The following D2HGDH variants were observed in gnomAD, a reference collection of about 807,000 sequenced individuals.
D2HGDH encodes the protein D-2-hydroxyglutarate dehydrogenase, also known as D-2-hydroxyglutarate dehydrogenase, mitochondrial.
A neutral mutation model predicts 46.9 loss-of-function variants in D2HGDH; 31 were observed. The observed-to-expected ratio is 0.66, with a 90% CI of 0.50 to 0.89. The LOEUF (loss-of-function observed/expected upper bound fraction) is 0.89, where lower values mean the gene tolerates loss of function less well. Ranked by LOEUF, D2HGDH falls within the 40% of genes least tolerant of loss-of-function variation. The pLI, the probability that D2HGDH is intolerant of heterozygous loss-of-function variation, is 0.00. For missense variants in D2HGDH, 698 were observed against 720.8 expected, an observed-to-expected ratio of 0.97 and a Z score of 0.36; for synonymous variants, 364 against 332.6, an observed-to-expected ratio of 1.09 and a Z score of -1.03.
chr2:241,739,362 G>A (rs1001033964), intron 2 of D2HGDH, among the ~76,000 whole-genome samples: 4 of 152,244 alleles, frequency 2.6e-5, no homozygotes, highest in Admixed American at 6.5e-5. Context: ...GAGCCCACTC[G>A]GGACAGGGAC....
intron 9 of D2HGDH, among the ~76,000 whole-genome samples, chr2:241,757,601 C>T (rs575604071): frequency 6.6e-6 from 1 of 152,286 alleles, no homozygotes; most frequent in African/African-American, 2.4e-5. Flanking sequence ...TTCAGTCTCT[C>T]TTGGCCACAG....
In D2HGDH at chr2:241,767,979, C is replaced by A; in HGVS notation, c.*10C>A. 1 of 1,581,008 alleles carries A rather than the reference C, an allele frequency of 6.3e-7. No homozygotes were observed. Among genetic ancestry groups the A allele is most frequent in the Non-Finnish European group, 8.6e-7 (1 of 1,168,446 alleles). The stretch of plus-strand genomic sequence containing the variant: ...GCCCAGCCAGGCCTGACGGCCACTC[C>A]TGCTGCTGCCAAGGCCCACTGGGGG... On this transcript the variant is annotated 3_prime_UTR_variant, in exon 10 of 10. Coordinates refer to ENST00000321264, the MANE Select transcript of D2HGDH (RefSeq NM_152783.5).
chr2:241,746,021 G>A (rs577984889), intron 6 of D2HGDH, among the ~76,000 whole-genome samples: 2 of 152,156 alleles, frequency 1.3e-5, no homozygotes, highest in East Asian at 1.9e-4. Context: ...TCAGTGTGTG[G>A]TGTGTGTGTG....
intron 2 of D2HGDH, among the ~76,000 whole-genome samples, chr2:241,736,991 C>T (rs1349032150): frequency 3.3e-5 from 5 of 151,188 alleles, no homozygotes; most frequent in South Asian, 2.1e-4. Context: ...TTTTTTGAGA[C>T]GGAGTCTCGC....
Position 241,742,963 on chromosome 2 carries a change from G to A in D2HGDH, c.490+389G>A, listed in dbSNP as rs966876039. Among the ~76,000 whole-genome samples, 3 of 109,996 alleles carry A rather than the reference G, an allele frequency of 2.7e-5. No homozygotes were observed. Among genetic ancestry groups the A allele is most frequent in the Non-Finnish European group, 5.3e-5 (3 of 56,914 alleles). 72.2% of individuals were successfully genotyped at this position (109,996 alleles called of 152,430 possible). A position where few individuals can be genotyped will look rare whatever the true frequency, so the allele number is the denominator to read the frequency against. ...GGCGCCAGGGCGTGGCAGGCGTGAG[G>A]GGATCCTGACCCAGGGCGCCAGAGC... On this transcript the variant is annotated intron_variant, in intron 4 of 9. Transcript: ENST00000321264. This position sits in a 1 kb window ranked among gnomAD's most constrained non-coding sequence, Gnocchi z 4.8.
chr2:241,762,361 C>A (rs548335866), intron 9 of D2HGDH, among the ~76,000 whole-genome samples: 1 of 152,172 alleles, frequency 6.6e-6, no homozygotes, highest in Admixed American at 6.5e-5. Flanking sequence ...TGAGCCACCG[C>A]GCCCAGCCTG....
At chr2:241,755,455 C>T (rs867802970) in intron 8 of D2HGDH, 42 of 1,314,758 alleles carry the variant, frequency 3.2e-5, no homozygotes, top group African/African-American at 1.1e-4. Flanking sequence ...CACTCTGTGC[C>T]GTGTCATGAC....
intron 6 of D2HGDH, among the ~76,000 whole-genome samples, chr2:241,746,900 A>G (rs1253209644): frequency 2.0e-5 from 3 of 152,154 alleles, no homozygotes; most frequent in African/African-American, 2.4e-5. Flanking sequence ...AAAAAAAAAA[A>G]AAAACTTTGA....
Position 241,735,214 on chromosome 2 carries a change from T to TCCCGGCGGCGATGCTGC in D2HGDH, c.-6_11dup. Reference sequence around the variant, plus strand: ...ACCAAGGAGGAGCCCGAGGTCTCCGTCCCGGCGGCGATGCTGCCCCGTCGG... The same window carrying TCCCGGCGGCGATGCTGC: ...ACCAAGGAGGAGCCCGAGGTCTCCGTCCCGGCGGCGATGCTGCCCCGGCGGCGATGCTGCCCCGTCGG... On this transcript the variant is annotated 5_prime_UTR_variant, in exon 2 of 10. In the 5' UTR this introduces an upstream ATG that the reference lacks. Transcript: ENST00000321264. The TCCCGGCGGCGATGCTGC allele has an allele frequency of 6.6e-7, 1 of 1,507,608 alleles. No individual in the cohort carries two copies. Among genetic ancestry groups the TCCCGGCGGCGATGCTGC allele is most frequent in the Non-Finnish European group, 8.8e-7 (1 of 1,136,484 alleles). The allele number at this position is 1,507,608 out of a possible 1,614,324, so 93.4% of individuals were successfully genotyped here. A position where few individuals can be genotyped will look rare whatever the true frequency, so the allele number is the denominator to read the frequency against.
Position 241,735,489 on chromosome 2 carries a change from A to T in D2HGDH, c.265A>T (p.Asn89Tyr). ...GGACCCGGAAGCGCTGCAGGCTCCC[A>T]ACGTGGACTGGTTGCGGACGCTGCG... ...VTDPEALQAPNVDWLRTLRGC... is the reference protein window; with the variant it reads ...VTDPEALQAPYVDWLRTLRGC... The change falls in exon 2 of 10, where the codon AAC becomes TAC. Residue 89 changes from asparagine to tyrosine, a missense_variant. Physicochemically the swap from Asn to Tyr is moderately radical, Grantham distance 143. Coordinates refer to ENST00000321264, the MANE Select transcript of D2HGDH (RefSeq NM_152783.5). 1.2e-6 allele frequency: 2 copies of T among 1,608,316 alleles called. No homozygotes were observed. The highest frequency in any genetic ancestry group is 1.7e-6 in the Non-Finnish European group (2 of 1,179,788).
chr2:241,761,993 C>T (rs1219568473), intron 9 of D2HGDH, among the ~76,000 whole-genome samples: 1 of 151,908 alleles, frequency 6.6e-6, no homozygotes, highest in Admixed American at 6.6e-5. Flanking sequence ...GCGGAGACAG[C>T]CTCAGTTCAG....
chr2:241,741,265 G>T (rs1266101059), intron 3 of D2HGDH, among the ~76,000 whole-genome samples, 175 bp downstream of exon 3: 1 of 152,216 alleles, frequency 6.6e-6, no homozygotes. Flanking sequence ...CATCTGTGGT[G>T]TGTAATCATT....
intron 6 of D2HGDH, chr2:241,749,548 A>C: frequency 2.7e-6 from 1 of 369,316 alleles, no homozygotes; most frequent in Non-Finnish European, 5.0e-6. Context: ...TGGAGCACTA[A>C]CACGCCTGTT....
chr2:241,734,810 G>C (rs1277239223), intron 1 of D2HGDH, 115 bp downstream of exon 1: 2 of 172,010 alleles, frequency 1.2e-5, no homozygotes, highest in Non-Finnish European at 1.2e-5. Flanking sequence ...GGTGCCTGTG[G>C]GGGGAGGGGG....
chr2:241,742,322 C>T lies in D2HGDH; in HGVS notation c.351-113C>T, dbSNP rs576804640. ...GAGGAGCCCCCGCTGAGGCTGCAGG[C>T]AGGGCAGGGTAATCAGGATTTGGAG... On this transcript the variant is annotated intron_variant, in intron 3 of 9. Coordinates refer to ENST00000321264, the MANE Select transcript of D2HGDH (RefSeq NM_152783.5). This position sits in a 1 kb window ranked among gnomAD's most constrained non-coding sequence, Gnocchi z 4.8. The T allele has an allele frequency of 1.4e-6, 2 of 1,394,514 alleles. No individual in the cohort carries two copies. The highest frequency in any genetic ancestry group is 2.8e-5 in the South Asian group (2 of 71,306). The allele number at this position is 1,394,514 out of a possible 1,614,324, so 86.4% of individuals were successfully genotyped here. A position where few individuals can be genotyped will look rare whatever the true frequency, so the allele number is the denominator to read the frequency against.
chr2:241,760,482 G>T (rs1460699412), intron 9 of D2HGDH, among the ~76,000 whole-genome samples: 1 of 149,498 alleles, frequency 6.7e-6, no homozygotes, highest in Non-Finnish European at 1.5e-5. Context: ...CACAGCGTGG[G>T]TGGGCCTTAC....
intron 3 of D2HGDH, 90 bp downstream of exon 3, chr2:241,741,180 T>A: frequency 8.0e-7 from 1 of 1,242,922 alleles, no homozygotes; most frequent in Non-Finnish European, 1.2e-6. Context: ...GGTGACGCGG[T>A]GCGAAGCCAG....
chr2:241,749,046 C>G, intron 6 of D2HGDH: 2 of 997,312 alleles, frequency 2.0e-6, no homozygotes, highest in Non-Finnish European at 2.4e-6. Context: ...CTCGTGGGCT[C>G]GGTCCAGCTC....
chr2:241,736,429 G>T (rs1037086465), intron 2 of D2HGDH, among the ~76,000 whole-genome samples: 1 of 141,572 alleles, frequency 7.1e-6, no homozygotes, highest in African/African-American at 2.5e-5. Context: ...ACAGGGCTGC[G>T]CTCCCTCCAA....
Sources: allele counts gnomAD v4.1 joint callset (sites outside exome capture counted in the v4.1 genomes callset), GRCh38; gene constraint gnomAD v4.1.1; non-coding constraint Gnocchi (gnomAD v3.1); transcripts MANE v1.5; gene names NCBI Gene and HGNC (gene_info 2026-07-23, HGNC 2026-07-21).